IKBKG: variants seen among roughly 807,000 people sequenced by gnomAD.
IKBKG encodes NF-kappa-B essential modulator.
In IKBKG, 2 loss-of-function variants were observed where a neutral mutation model predicts 13.7. The ratio of observed to expected loss-of-function variants is 0.15; its 90% CI spans 0.06 to 0.46. The LOEUF is 0.46. IKBKG is among the 20% of genes least tolerant of loss of function. The pLI is 0.98. For missense variants in IKBKG, 53 were observed against 150.3 expected, an observed-to-expected ratio of 0.35 and a Z score of 3.39; for synonymous variants, 22 against 64.4, an observed-to-expected ratio of 0.34 and a Z score of 3.15.
chrX:154,544,803 G>A (rs1243793125), upstream of IKBKG, among the ~76,000 whole-genome samples: 3 of 112,242 alleles, frequency 2.7e-5, no homozygotes, highest in Middle Eastern at 4.6e-3. Context: ...GTTCTGATCA[G>A]AAGTACAAAG....
chrX:154,551,691 C>T (rs1557235062), intron 1 of IKBKG, among the ~76,000 whole-genome samples: 1 of 111,144 alleles, frequency 9.0e-6, no homozygotes, highest in African/African-American at 3.3e-5. Context: ...TCAGGATTCC[C>T]AGCATACTGA....
chrX:154,545,353 G>A (rs1207368481), upstream of IKBKG, among the ~76,000 whole-genome samples: 1 of 112,078 alleles, frequency 8.9e-6, no homozygotes, highest in African/African-American at 3.2e-5. Flanking sequence ...TGAAGTGTTA[G>A]TGAAGAGGCA....
intron 4 of IKBKG, among the ~76,000 whole-genome samples, chrX:154,559,085 G>A (rs1313561522): frequency 9.0e-6 from 1 of 111,501 alleles, no homozygotes; most frequent in Non-Finnish European, 1.9e-5. Context: ...AGTGAGAAGC[G>A]CCTCCCACAC....
chrX:154,550,234 TTGTGTGTGTGTGTGTGTGTGTGTGTA>T (rs1159652696), intron 1 of IKBKG, among the ~76,000 whole-genome samples: 37 of 99,543 alleles, frequency 3.7e-4, no homozygotes, highest in African/African-American at 1.3e-3. Flanking sequence ...AGATGTGCTC[TTGTGTGTGTGTGTGTGTGTGTGTGTA>T]TGTGTGTGTG....
At chrX:154,545,306 G>A (rs1158739219), upstream of IKBKG, among the ~76,000 whole-genome samples, 1 of 112,278 alleles carries the variant, frequency 8.9e-6, no homozygotes, top group Non-Finnish European at 1.9e-5. Context: ...AAGAGACAGT[G>A]TTCAAAGAAA....
chrX:154,542,322 C>T (rs781885225), exon 2 of IKBKG: 51 of 1,187,675 alleles, frequency 4.3e-5, no homozygotes, highest in Non-Finnish European at 5.5e-5. Flanking sequence ...ACCCCGCAGA[C>T]TATCAATCCC....
chrX:154,553,945 C>T (rs1331780459), intron 2 of IKBKG, among the ~76,000 whole-genome samples: 4 of 112,149 alleles, frequency 3.6e-5, no homozygotes, highest in African/African-American at 1.3e-4. Context: ...CCTGGCACAG[C>T]GTATGGCGCC....
chrX:154,547,355 C>T, upstream of IKBKG: 11 of 755,198 alleles, frequency 1.5e-5, no homozygotes, highest in Non-Finnish European at 1.7e-5. Context: ...TTGATTCCTC[C>T]CCCGGAGAGG....
At chrX:154,546,790 T>C (rs1173879624), upstream of IKBKG, 7 of 1,159,303 alleles carry the variant, frequency 6.0e-6, no homozygotes, top group African/African-American at 1.1e-4. Flanking sequence ...GCCGGTTACC[T>C]GCGCTTCGTC....
upstream of IKBKG, chrX:154,547,026 C>T (rs1426145176): frequency 9.9e-6 from 2 of 202,352 alleles, no homozygotes; most frequent in Non-Finnish European, 1.8e-5. Context: ...TCTCGGGCAC[C>T]TGCGCTGGAG....
At chrX:154,546,874 A>G (rs1160873483), upstream of IKBKG, 13 of 1,077,840 alleles carry the variant, frequency 1.2e-5, no homozygotes, top group East Asian at 1.5e-4. Flanking sequence ...GGCCCATTTA[A>G]TCGGCGGGGG....
At chrX:154,541,680 C>G (rs1177938948) in intron 1 of IKBKG, among the ~76,000 whole-genome samples, 1 of 112,185 alleles carries the variant, frequency 8.9e-6, no homozygotes, top group Non-Finnish European at 1.9e-5. Context: ...CCACGCCCTC[C>G]TCTTTCCTGA....
At chrX:154,546,203 G>A (rs782494731), upstream of IKBKG, 9 of 1,206,287 alleles carry the variant, frequency 7.5e-6, no homozygotes, top group Non-Finnish European at 1.0e-5. Context: ...AGAAGAACAG[G>A]AGAGCATTGA....
upstream of IKBKG, among the ~76,000 whole-genome samples, chrX:154,544,983 G>A (rs1309355087): frequency 8.9e-6 from 1 of 112,355 alleles, no homozygotes; most frequent in Non-Finnish European, 1.9e-5. Context: ...TGGTCATACA[G>A]TAATGAGCAG....
upstream of IKBKG, among the ~76,000 whole-genome samples, chrX:154,542,620 C>T (rs1293723808): frequency 8.9e-6 from 1 of 111,931 alleles, no homozygotes; most frequent in African/African-American, 3.3e-5. Context: ...AGGAAGGCCA[C>T]GTGGGTCCAG....
At chrX:154,545,691 C>T (rs1336560975), upstream of IKBKG, 3 of 222,426 alleles carry the variant, frequency 1.3e-5, no homozygotes, top group East Asian at 1.2e-4. Flanking sequence ...AAAAATTAGC[C>T]GGGTGTGGTG....
intron 2 of IKBKG, 25 bp downstream of exon 2, chrX:154,552,214 G>C: frequency 8.7e-7 from 1 of 1,150,473 alleles, no homozygotes; most frequent in Non-Finnish European, 1.2e-6. Flanking sequence ...AGGGGATCCA[G>C]CCCTGCTGAG....
intron 1 of IKBKG, among the ~76,000 whole-genome samples, chrX:154,551,035 A>G (rs782481870): frequency 9.2e-6 from 1 of 108,942 alleles, no homozygotes; most frequent in Non-Finnish European, 1.9e-5. Flanking sequence ...GATGGTCTCA[A>G]TCTCCTGACC....
At chrX:154,541,304 G>A (rs2070497929) in exon 1 of IKBKG, 1 of 111,707 alleles carries the variant, frequency 9.0e-6, no homozygotes, top group Admixed American at 9.5e-5. Flanking sequence ...ATTAACTAGA[G>A]ATTGAACCGG....
Sources: gnomAD v4.1 joint callset for allele counts (sites outside exome capture counted in the v4.1 genomes callset) on GRCh38, gnomAD v4.1.1 for gene constraint, MANE v1.5 for transcripts, NCBI Gene and HGNC (gene_info 2026-07-23, HGNC 2026-07-21) for gene names.